The following SP7 variants were observed in gnomAD, a reference collection of about 807,000 sequenced individuals.
SP7 encodes the protein transcription factor Sp7.
In SP7, 13 loss-of-function variants were observed where a neutral mutation model predicts 27.9. That is an observed-to-expected ratio of 0.47 (90% CI 0.30 to 0.74). The LOEUF is 0.74. Among genes scored for constraint, SP7 ranks in the 30% least tolerant of loss-of-function variants. SP7 has a pLI of 0.06. For synonymous variants in SP7, 219 were observed against 226.7 expected (o/e 0.97, Z 0.31); for missense variants, 525 against 558.0 (o/e 0.94, Z 0.60).
At chr12:53,334,447 G>T (rs1043077270) in intron 2 of SP7, among the ~76,000 whole-genome samples, 1 of 151,890 alleles carries the variant, frequency 6.6e-6, no homozygotes, top group African/African-American at 2.4e-5. Context: ...GGTGTTAAAA[G>T]ACTCCTGCCC....
intron 2 of SP7, among the ~76,000 whole-genome samples, chr12:53,332,222 G>A (rs1370146339): frequency 3.9e-5 from 6 of 152,134 alleles, no homozygotes; most frequent in Non-Finnish European, 8.8e-5. Context: ...GGGGCACAAA[G>A]GACCTGCATA....
intron 2 of SP7, among the ~76,000 whole-genome samples, 193 bp from the exon 3 acceptor site, chr12:53,329,613 C>T (rs371513506): frequency 3.3e-5 from 5 of 152,100 alleles, no homozygotes; most frequent in Admixed American, 6.6e-5. Context: ...CTCATGGAGT[C>T]GTGGGAAGAA....
At chr12:53,338,209 A>C (rs1279809303), upstream of SP7, among the ~76,000 whole-genome samples, 1 of 152,082 alleles carries the variant, frequency 6.6e-6, no homozygotes, top group Non-Finnish European at 1.5e-5. Context: ...CGCTGATTAC[A>C]CGGGCCACCC....
chr12:53,333,256 T>C (rs140581462), intron 2 of SP7, among the ~76,000 whole-genome samples: 18 of 152,192 alleles, frequency 1.2e-4, no homozygotes, highest in Non-Finnish European at 2.1e-4. Flanking sequence ...TGTGTCCCCA[T>C]ACCTGATCAA....
chr12:53,335,793 G>C (rs1944763618), intron 1 of SP7, 100 bp from the exon 2 acceptor site: 1 of 1,322,236 alleles, frequency 7.6e-7, no homozygotes, highest in Admixed American at 2.9e-5. Flanking sequence ...GACCGGGGTG[G>C]GGGGCTGCTC....
rs1453395389 is a variant in SP7 at position 53,328,770 on chromosome 12, C to G, written c.672G>C (p.Leu224Phe). 1.2e-6 allele frequency: 2 copies of G among 1,601,754 alleles called. No individual in the cohort carries two copies. The highest frequency in any genetic ancestry group is 1.7e-6 in the Non-Finnish European group (2 of 1,170,994). Reference sequence around the variant, plus strand: ...CCTTGGGTTTATAGACATCTTGGGGCAAGACATGCTGGGGCCCTGGTTGCA... The same window carrying G: ...CCTTGGGTTTATAGACATCTTGGGGGAAGACATGCTGGGGCCCTGGTTGCA... ...HLLQPGPQHV[L>F]PQDVYKPKAV... The change falls in exon 3 of 3, where the codon TTG becomes TTC. Residue 224 changes from leucine to phenylalanine, a missense_variant. Leu to Phe is a conservative substitution (Grantham distance 22). Coordinates refer to ENST00000536324, the MANE Select transcript of SP7 (RefSeq NM_001173467.3). This position sits in a 1 kb window ranked among gnomAD's most constrained non-coding sequence, Gnocchi z 5.1.
intron 1 of SP7, 97 bp downstream of exon 1, chr12:53,336,049 G>A (rs2136847768): frequency 8.7e-6 from 2 of 229,432 alleles, no homozygotes; most frequent in Middle Eastern, 1.8e-3. Context: ...GCTGAGGGGA[G>A]AGGTTAAAGG....
At chr12:53,338,299 T>G (rs1399903726), upstream of SP7, among the ~76,000 whole-genome samples, 3 of 152,244 alleles carry the variant, frequency 2.0e-5, no homozygotes, top group Non-Finnish European at 2.9e-5. Context: ...GGGGGGAGTC[T>G]GAGACTGAGG....
chr12:53,342,577 A>G (rs1944833931), intron 1 of SP7, among the ~76,000 whole-genome samples: 2 of 152,186 alleles, frequency 1.3e-5, no homozygotes, highest in African/African-American at 4.8e-5. Context: ...ACACTGTAGG[A>G]GGCCAAGGTG....
chr12:53,338,607 G>A (rs966891699), upstream of SP7, among the ~76,000 whole-genome samples: 2 of 152,110 alleles, frequency 1.3e-5, no homozygotes, highest in African/African-American at 2.4e-5. Context: ...CTCACTCCCC[G>A]TGTGGGCTTT....
At chr12:53,341,037 T>C (rs551428122), upstream of SP7, among the ~76,000 whole-genome samples, 3 of 152,270 alleles carry the variant, frequency 2.0e-5, no homozygotes, top group Admixed American at 6.5e-5. Flanking sequence ...GAGGCAAAGC[T>C]GAGGACACAG....
chr12:53,337,574 C>G (rs1329475690), upstream of SP7, among the ~76,000 whole-genome samples: 1 of 152,226 alleles, frequency 6.6e-6, no homozygotes, highest in Admixed American at 6.5e-5. Flanking sequence ...ATCCTTTCCA[C>G]TCTCCTCACT....
In SP7 at chr12:53,328,676, C is replaced by A. The variant is rs778709737; in HGVS notation, c.766G>T (p.Gly256Cys). 1.9e-6 allele frequency: 3 copies of A among 1,608,412 alleles called. No homozygotes were observed. Among genetic ancestry groups the A allele is most frequent in the African/African-American group, 2.7e-5 (2 of 74,828 alleles). ...AKPPRGASTGGSGGYGGSGAG... is the reference protein window; with the variant it reads ...AKPPRGASTGCSGGYGGSGAG... ...CCACTGCCCCCATATCCACCACTAC[C>A]CCCAGTGCTTGCACCCCGTGGGGGT... Residue 256 changes from glycine to cysteine, a missense_variant, in exon 3 of 3, where the codon GGT (glycine) becomes TGT (cysteine). Coordinates refer to ENST00000536324, the MANE Select transcript of SP7 (RefSeq NM_001173467.3). The surrounding 1 kb of genome is among the most constrained non-coding windows in gnomAD (Gnocchi z 5.1).
chr12:53,342,297 G>T (rs891976891), intron 1 of SP7, among the ~76,000 whole-genome samples: 1 of 151,318 alleles, frequency 6.6e-6, no homozygotes, highest in Non-Finnish European at 1.5e-5. Context: ...ACGTCTCCCC[G>T]CTTTCTCTGG....
At chr12:53,330,111 C>CA (rs778629421) in intron 2 of SP7, among the ~76,000 whole-genome samples, 9 of 151,162 alleles carry the variant, frequency 6.0e-5, no homozygotes, top group Non-Finnish European at 1.3e-4. Flanking sequence ...TGCAGTGGCC[C>CA]AATCTCGGCT....
upstream of SP7, among the ~76,000 whole-genome samples, chr12:53,340,893 T>A (rs1369142167): frequency 2.0e-5 from 3 of 152,346 alleles, no homozygotes; most frequent in Admixed American, 6.5e-5. Flanking sequence ...ATGGGGCTGA[T>A]GACCAGGAAA....
Position 53,344,673 on chromosome 12 carries a change from G to A in SP7, c.-34+441C>T, listed in dbSNP as rs553418337. Among the ~76,000 whole-genome samples the A allele has an allele frequency of 6.6e-5, 10 of 152,274 alleles. No homozygotes were observed. The highest frequency in any genetic ancestry group is 4.6e-4 in the Admixed American group (7 of 15,300). On this transcript the variant is annotated intron_variant, in intron 1 of 1. Coordinates refer to the SP7 transcript ENST00000547755. The surrounding 1 kb of genome is among the most constrained non-coding windows in gnomAD (Gnocchi z 4.6). Reference sequence around the variant, plus strand: ...GGTCTTAGCCCCCAGCCACAGCTGTGGGGGAGATAGGCACCCTCAGAAGGA... The same window carrying A: ...GGTCTTAGCCCCCAGCCACAGCTGTAGGGGAGATAGGCACCCTCAGAAGGA...
Position 53,327,045 on chromosome 12 carries a change from T to G in SP7, c.*1101A>C, listed in dbSNP as rs1944639075. ...GCTTCCCCAAAGAGCACATCTAAGA[T>G]GGCAGCTGCAAGCTCTCCATAACCA... is the stretch of plus-strand genomic sequence containing the variant. On this transcript the variant is annotated 3_prime_UTR_variant, in exon 3 of 3. Transcript: ENST00000536324. 6.6e-6 allele frequency: 1 copy of G among 152,514 alleles called. No homozygotes were observed. Among genetic ancestry groups the G allele is most frequent in the African/African-American group, 2.4e-5 (1 of 41,468 alleles). 9.4% of individuals were successfully genotyped at this position (152,514 alleles called of 1,614,324 possible). A position where few individuals can be genotyped will look rare whatever the true frequency, so the allele number is the denominator to read the frequency against.
intron 2 of SP7, among the ~76,000 whole-genome samples, chr12:53,329,800 C>T (rs991868716): frequency 2.0e-5 from 3 of 150,540 alleles, no homozygotes; most frequent in African/African-American, 4.9e-5. Context: ...GGTGTGACCT[C>T]GGCTCACTGC....
Sources: gnomAD v4.1 joint callset for allele counts (sites outside exome capture counted in the v4.1 genomes callset) on GRCh38, gnomAD v4.1.1 for gene constraint, Gnocchi (gnomAD v3.1) non-coding constraint, MANE v1.5 for transcripts, NCBI Gene and HGNC (gene_info 2026-07-23, HGNC 2026-07-21) for gene names.